NDUFA10: variants seen among roughly 807,000 people sequenced by gnomAD.
NDUFA10 encodes the protein NADH dehydrogenase [ubiquinone] 1 alpha subcomplex subunit 10, mitochondrial.
Under a neutral mutation model 47.8 loss-of-function variants are expected in NDUFA10, and 40 were observed. That is an observed-to-expected ratio of 0.84 (90% CI 0.65 to 1.09). NDUFA10 has a LOEUF of 1.09. Among genes scored for constraint, NDUFA10 ranks in the 50% least tolerant of loss-of-function variants. The probability of loss-of-function intolerance (pLI) is 0.00; values close to 1 mark genes in which losing one functional copy is unlikely to be tolerated. For missense variants in NDUFA10, 413 were observed against 451.1 expected, an observed-to-expected ratio of 0.92 and a Z score of 0.76; for synonymous variants, 183 against 172.2, an observed-to-expected ratio of 1.06 and a Z score of -0.49.
chr2:239,918,594 T>C (rs571944481), intron 4 of NDUFA10, among the ~76,000 whole-genome samples: 167 of 152,290 alleles, frequency 1.1e-3, no homozygotes, highest in African/African-American at 3.8e-3. Context: ...CCTCCTGCAG[T>C]GGCAGCCTCA....
chr2:239,916,821 G>A (rs895841561), intron 4 of NDUFA10, among the ~76,000 whole-genome samples: 7 of 152,210 alleles, frequency 4.6e-5, no homozygotes, highest in Non-Finnish European at 5.9e-5. Context: ...CAGCCCTCAC[G>A]GCCTCACCAG....
chr2:239,951,973 C>G (rs922194051), intron 4 of NDUFA10, among the ~76,000 whole-genome samples: 5 of 152,252 alleles, frequency 3.3e-5, no homozygotes, highest in Non-Finnish European at 5.9e-5. Flanking sequence ...GCCCTTTGGT[C>G]TCTTTCCCTC....
intron 9 of NDUFA10, among the ~76,000 whole-genome samples, chr2:239,975,290 T>TAC (rs1376239847): frequency 6.6e-6 from 1 of 152,244 alleles, no homozygotes; most frequent in Non-Finnish European, 1.5e-5. Flanking sequence ...ATGCTTCCTG[T>TAC]ACAGCCTGCA....
exon 5 of NDUFA10, chr2:239,895,224 A>C (rs955119645): frequency 4.3e-6 from 2 of 465,984 alleles, no homozygotes; most frequent in East Asian, 7.1e-5. Flanking sequence ...GGCACTTAGG[A>C]GTCTTCTCCA....
chr2:240,016,935 C>T lies in NDUFA10; in HGVS notation c.547+1618G>A, dbSNP rs978932937. Among the ~76,000 whole-genome samples, 2 of 152,242 alleles carry T rather than the reference C, an allele frequency of 1.3e-5. No homozygotes were observed. The highest frequency in any genetic ancestry group is 4.1e-4 in the South Asian group (2 of 4,828). On this transcript the variant is annotated intron_variant, in intron 4 of 9. Coordinates refer to ENST00000252711, the MANE Select transcript of NDUFA10 (RefSeq NM_004544.4). This position sits in a 1 kb window ranked among gnomAD's most constrained non-coding sequence, Gnocchi z 4.4. ...GCCCCTGTGCATCCTTCCCCCTTAG[C>T]GGCCCACTAGCCAGGGCAGGTCCAC...
intron 9 of NDUFA10, chr2:239,973,742 T>C: frequency 5.1e-6 from 2 of 391,256 alleles, no homozygotes; most frequent in Admixed American, 3.7e-5. Context: ...TGATACAATG[T>C]TTAAAACGTG....
At chr2:239,953,377 C>T (rs1340589794), downstream of NDUFA10, among the ~76,000 whole-genome samples, 1 of 152,184 alleles carries the variant, frequency 6.6e-6, no homozygotes, top group Non-Finnish European at 1.5e-5. Context: ...CTCCTGGCCT[C>T]CAGAACTTAG....
In NDUFA10 at chr2:239,941,984, C is replaced by T. The variant is rs566097508; in HGVS notation, c.295-46670G>A. On this transcript the variant is annotated intron_variant, in intron 4 of 5. Coordinates refer to the NDUFA10 transcript ENST00000419408. Reference sequence around the variant, plus strand: ...ATTTTCTGCACCAAAACAGTATGGACCTTAGATTTTAAAATCCTCTGAAAT... The same window carrying T: ...ATTTTCTGCACCAAAACAGTATGGATCTTAGATTTTAAAATCCTCTGAAAT... 2.6e-5 allele frequency among the ~76,000 whole-genome samples: 4 copies of T among 152,240 alleles called. No individual in the cohort carries two copies. In the South Asian group the frequency reaches 8.3e-4, roughly 32 times the overall value.
rs761584333 is a variant in NDUFA10 at position 239,898,973 on chromosome 2, A to AAGAGGTATGATGG, written c.295-3672_295-3660dup. ...TGGAGGGGTGTGGCAGGGTGTGATG[A>AAGAGGTATGATGG]AGAGGTATGATGGAGAGGTGTGATG... On this transcript the variant is annotated intron_variant, in intron 4 of 5. Coordinates refer to the NDUFA10 transcript ENST00000419408. Among the ~76,000 whole-genome samples the AAGAGGTATGATGG allele has an allele frequency of 2.0e-3, 174 of 87,548 alleles. 15 individuals carry two copies. Among genetic ancestry groups the AAGAGGTATGATGG allele is most frequent in the East Asian group, 0.014 (42 of 2,960 alleles). The allele number at this position is 87,548 out of a possible 152,430, so 57.4% of individuals were successfully genotyped here.
At chr2:240,020,153 C>G (rs1284709507) in intron 3 of NDUFA10, among the ~76,000 whole-genome samples, 1 of 152,234 alleles carries the variant, frequency 6.6e-6, no homozygotes, top group Non-Finnish European at 1.5e-5. Context: ...TAGCTCAGCT[C>G]TGAGAAGAAG....
At chr2:239,920,488 A>T (rs1326233546) in intron 4 of NDUFA10, among the ~76,000 whole-genome samples, 1 of 152,248 alleles carries the variant, frequency 6.6e-6, no homozygotes, top group East Asian at 1.9e-4. Context: ...GCAGCCAGAC[A>T]GCCAGTTTGG....
At chr2:239,968,616 T>C (rs959390925) in intron 9 of NDUFA10, among the ~76,000 whole-genome samples, 2 of 152,146 alleles carry the variant, frequency 1.3e-5, no homozygotes, top group Non-Finnish European at 2.9e-5. Flanking sequence ...TGACTAGATT[T>C]TACGGAGTAG....
At position 240,022,205 on chromosome 2, in the gene NDUFA10, C is replaced by T. The variant is rs913466136; in HGVS notation, c.211G>A (p.Gly71Ser). The change falls in exon 2 of 10, where the codon GGC becomes AGC. Residue 71 changes from glycine (G) to serine (S), a missense_variant. Gly to Ser is a moderately conservative substitution (Grantham distance 56). Coordinates refer to ENST00000252711, the MANE Select transcript of NDUFA10 (RefSeq NM_004544.4). ...TCTGCTATTTCTTTTGCAAGTTTGCCTTTTCCAGTACATATATTGCCATCT... is the reference window on the plus strand; with the variant it reads ...TCTGCTATTTCTTTTGCAAGTTTGCTTTTTCCAGTACATATATTGCCATCT... ...TVDGNICTGK[G>S]KLAKEIAEKL... is the part of the protein sequence containing the mutation. 4 of 1,613,860 alleles carry T rather than the reference C, an allele frequency of 2.5e-6. No homozygotes were observed. In the East Asian group the frequency reaches 8.9e-5, roughly 36 times the overall value.
In NDUFA10 at chr2:239,960,128, A is replaced by G. The variant is rs1349360870; in HGVS notation, c.*990T>C. The G allele has an allele frequency of 2.0e-6, 2 of 985,308 alleles. No individual in the cohort carries two copies. The highest frequency in any genetic ancestry group is 2.4e-6 in the Non-Finnish European group (2 of 829,950). 61.0% of individuals were successfully genotyped at this position (985,308 alleles called of 1,614,324 possible). Reference sequence around the variant, plus strand: ...CATATTGGACACAGTGGAGCTTTACAGTGGAAAACCCACAGTTCAGTAGGA... The same window carrying G: ...CATATTGGACACAGTGGAGCTTTACGGTGGAAAACCCACAGTTCAGTAGGA... On this transcript the variant is annotated 3_prime_UTR_variant, in exon 10 of 10. Coordinates refer to ENST00000252711, the MANE Select transcript of NDUFA10 (RefSeq NM_004544.4).
At chr2:239,909,873 C>A (rs762012461) in intron 4 of NDUFA10, among the ~76,000 whole-genome samples, 22 of 151,002 alleles carry the variant, frequency 1.5e-4, no homozygotes, top group African/African-American at 5.4e-4. Flanking sequence ...GATCTAATAT[C>A]GAGTCTACAA....
intron 4 of NDUFA10, among the ~76,000 whole-genome samples, chr2:239,943,601 CTG>C (rs1256919621): frequency 1.3e-5 from 2 of 152,166 alleles, no homozygotes; most frequent in African/African-American, 2.4e-5. Flanking sequence ...GGGCAGGACA[CTG>C]TGATTCCGCT....
intron 9 of NDUFA10, among the ~76,000 whole-genome samples, chr2:239,968,965 A>C (rs994125860): frequency 2.0e-5 from 3 of 152,266 alleles, no homozygotes; most frequent in African/African-American, 7.2e-5. Flanking sequence ...CAGAAAGCTG[A>C]AACATCAAGC....
chr2:240,015,176 C>T lies in NDUFA10; in HGVS notation c.548-316G>A, dbSNP rs4149543. ...ATTAAGCTACTTACACAGAGTAAAA[C>T]AGCAGCATTTAAACTGTGACCTTAA... On this transcript the variant is annotated intron_variant, in intron 4 of 9. Coordinates refer to ENST00000252711, the MANE Select transcript of NDUFA10 (RefSeq NM_004544.4). Among the ~76,000 whole-genome samples, 104,264 of 152,170 alleles carry T rather than the reference C, an allele frequency of 0.69. 35,934 individuals are homozygous for T. The highest frequency in any genetic ancestry group is 0.76 in the African/African-American group (31,418 of 41,524).
intron 9 of NDUFA10, among the ~76,000 whole-genome samples, chr2:239,975,985 G>A (rs1695501261): frequency 6.6e-6 from 1 of 152,008 alleles, no homozygotes; most frequent in Non-Finnish European, 1.5e-5. Context: ...TTGAGCTCTG[G>A]GTCTCTGTTT....
Sources: allele counts gnomAD v4.1 joint callset (sites outside exome capture counted in the v4.1 genomes callset), GRCh38; gene constraint gnomAD v4.1.1; non-coding constraint Gnocchi (gnomAD v3.1); transcripts MANE v1.5; gene names NCBI Gene and HGNC (gene_info 2026-07-23, HGNC 2026-07-21).